The following ZNF280B variants were observed in gnomAD, a reference collection of about 807,000 sequenced individuals.
ZNF280B encodes suppressor of hairy wing homolog 2.
ZNF280B carries 16 observed loss-of-function variants against 38.0 expected under a neutral mutation model. The observed-to-expected ratio is 0.42, with a 90% confidence interval of 0.28 to 0.64. The LOEUF is 0.64. Ranked by LOEUF, ZNF280B falls within the 30% of genes least tolerant of loss-of-function variation. The pLI, the probability that ZNF280B is intolerant of heterozygous loss-of-function variation, is 0.21. For synonymous variants in ZNF280B, 253 were observed against 230.6 expected (o/e 1.10, Z -0.88); for missense variants, 581 against 639.6 (o/e 0.91, Z 0.99).
intron 2 of ZNF280B, among the ~76,000 whole-genome samples, chr22:22,496,104 CCTT>C (rs1246854560): frequency 4.5e-5 from 6 of 134,014 alleles, no homozygotes; most frequent in Admixed American, 7.4e-5. Flanking sequence ...CTGCGCCTGG[CCTT>C]TTTTTTTTTT....
intron 2 of ZNF280B, among the ~76,000 whole-genome samples, chr22:22,504,174 CTG>C (rs2061884853): frequency 6.6e-6 from 1 of 151,934 alleles, no homozygotes; most frequent in Non-Finnish European, 1.5e-5. Flanking sequence ...TGGCTCACGC[CTG>C]TAATCCCAGC....
At chr22:22,495,417 C>CA (rs1043751683) in intron 2 of ZNF280B, among the ~76,000 whole-genome samples, 37 of 151,838 alleles carry the variant, frequency 2.4e-4, no homozygotes, top group Admixed American at 2.0e-4. Flanking sequence ...CAAACTATTT[C>CA]AACAGAAGGA....
At position 22,488,885 on chromosome 22, in the gene ZNF280B, AT is replaced by A; in HGVS notation, c.513del (p.Ser172GlnfsTer9). 1 of 1,613,716 alleles carries A rather than the reference AT, an allele frequency of 6.2e-7. No homozygotes were observed. The highest frequency in any genetic ancestry group is 8.5e-7 in the Non-Finnish European group (1 of 1,179,972). On this transcript the variant is annotated frameshift_variant, in exon 4 of 4. Coordinates refer to ENST00000626650, the MANE Select transcript of ZNF280B (RefSeq NM_080764.4). LOFTEE classifies it high-confidence loss of function. ...ACTTCGAAAGTGGAAAGTTGCTTTG[AT>A]ACACGAGGACTTTCATTTATACCTC... ...SVGGINESPR[V>X]SKQLSTFEVN...
Position 22,494,063 on chromosome 22 carries a change from C to G in ZNF280B, c.-69G>C, listed in dbSNP as rs746010244. On this transcript the variant is annotated splice_region_variant and 5_prime_UTR_variant, in exon 3 of 4. Coordinates refer to ENST00000626650, the MANE Select transcript of ZNF280B (RefSeq NM_080764.4). ...CCTTATAAGAGGAGATATCACAGAC[C>G]TTGCTTCCTCTTTCTGTCATGTGAG... The G allele has an allele frequency of 2.0e-5, 3 of 151,920 alleles. No individual in the cohort carries two copies. The highest frequency in any genetic ancestry group is 4.4e-5 in the Non-Finnish European group (3 of 68,038). 9.4% of individuals were successfully genotyped at this position (151,920 alleles called of 1,614,324 possible).
chr22:22,492,764 T>C (rs2061620799), intron 3 of ZNF280B, among the ~76,000 whole-genome samples: 1 of 151,194 alleles, frequency 6.6e-6, no homozygotes, highest in African/African-American at 2.4e-5. Context: ...TAGACACCTG[T>C]AATCCCAGCT....
Position 22,488,837 on chromosome 22 carries a change from C to T in ZNF280B, c.562G>A (p.Ala188Thr), listed in dbSNP as rs757698038. Reference protein sequence around the residue: ...FEVNSINPKRAKLRDGIIEGN... With the variant: ...FEVNSINPKRTKLRDGIIEGN... ...TCTATAATTCCATCCCTGAGTTTAGCCCTTTTGGGATTTATGCTGTTTACT... is the reference window on the plus strand; with the variant it reads ...TCTATAATTCCATCCCTGAGTTTAGTCCTTTTGGGATTTATGCTGTTTACT... Residue 188 changes from alanine to threonine, a missense_variant, in exon 4 of 4, where the codon GCT becomes ACT. Physicochemically the swap from Ala to Thr is moderately conservative, Grantham distance 58. Coordinates refer to ENST00000626650, the MANE Select transcript of ZNF280B (RefSeq NM_080764.4). The T allele has an allele frequency of 3.8e-5, 62 of 1,613,614 alleles. No individual in the cohort carries two copies. The highest frequency in any genetic ancestry group is 2.9e-5 in the Non-Finnish European group (34 of 1,179,960).
intron 1 of ZNF280B, among the ~76,000 whole-genome samples, chr22:22,508,318 C>G (rs533037672): frequency 6.6e-6 from 1 of 151,870 alleles, no homozygotes; most frequent in Non-Finnish European, 1.5e-5. Flanking sequence ...CCAAAAGAGA[C>G]CCCGCGGGGG....
rs779590949 is a variant in ZNF280B, at chr22:22,488,647, G to A, written c.752C>T (p.Thr251Ile). 7 of 1,613,798 alleles carry A rather than the reference G, an allele frequency of 4.3e-6. No individual in the cohort carries two copies. In the Admixed American group the frequency reaches 6.7e-5, roughly 15 times the overall value. ...CAATTCATTTGCCCTATCAAGATTT[G>A]TATTTATAGGCTTGAAATGGATATT... ...KDNIHFKPIN[T>I]NLDRANELAK... Residue 251 changes from threonine (T) to isoleucine (I), a missense_variant, in exon 4 of 4, where the codon ACA (threonine) becomes ATA (isoleucine). Transcript: ENST00000626650.
intron 2 of ZNF280B, among the ~76,000 whole-genome samples, chr22:22,496,018 C>G (rs2061686460): frequency 6.6e-6 from 1 of 150,802 alleles, no homozygotes; most frequent in Non-Finnish European, 1.5e-5. Context: ...GTTGGCCAGG[C>G]TGGTCTCGAA....
chr22:22,494,641 GGCTTCAATTCCAAAGAAA>G (rs2061659263), intron 2 of ZNF280B, among the ~76,000 whole-genome samples: 1 of 151,882 alleles, frequency 6.6e-6, no homozygotes, highest in Admixed American at 6.6e-5. Context: ...CCAATAGGAG[GGCTTCAATTCCAAAGAAA>G]GCTGAGAGAT....
At chr22:22,495,900 G>A (rs2061683582) in intron 2 of ZNF280B, among the ~76,000 whole-genome samples, 1 of 151,436 alleles carries the variant, frequency 6.6e-6, no homozygotes, top group African/African-American at 2.4e-5. Flanking sequence ...CTGCCTCCCA[G>A]GTTCAATTGA....
At chr22:22,503,174 T>C (rs1273158958) in intron 2 of ZNF280B, among the ~76,000 whole-genome samples, 2 of 151,950 alleles carry the variant, frequency 1.3e-5, no homozygotes, top group Non-Finnish European at 2.9e-5. Flanking sequence ...GAGAATAAAT[T>C]TTTGTTGTTT....
intron 2 of ZNF280B, among the ~76,000 whole-genome samples, chr22:22,507,380 T>A (rs966987600): frequency 1.3e-5 from 2 of 151,950 alleles, no homozygotes; most frequent in Non-Finnish European, 1.5e-5. Context: ...CTCACTGAGC[T>A]GTAATCACAA....
At chr22:22,502,641 A>G (rs964606258) in intron 2 of ZNF280B, among the ~76,000 whole-genome samples, 1 of 152,020 alleles carries the variant, frequency 6.6e-6, no homozygotes, top group Non-Finnish European at 1.5e-5. Context: ...GTACCTTGAA[A>G]ATACACTAAG....
At chr22:22,501,973 G>A (rs560328622) in intron 2 of ZNF280B, among the ~76,000 whole-genome samples, 53 of 151,606 alleles carry the variant, frequency 3.5e-4, no homozygotes, top group Non-Finnish European at 6.5e-4. Flanking sequence ...TGGGCATCAT[G>A]GCACACGCCT....
Position 22,488,247 on chromosome 22 carries a change from T to G in ZNF280B, c.1152A>C (p.Thr384=). The G allele has an allele frequency of 6.2e-7, 1 of 1,613,906 alleles. No homozygotes were observed. Among genetic ancestry groups the G allele is most frequent in the Non-Finnish European group, 8.5e-7 (1 of 1,179,976 alleles). ...TCATGTGTTGTAAGAGGACCTGATCTGTTTCAAATGACAATTCACAGATTT... is the reference window on the plus strand; with the variant it reads ...TCATGTGTTGTAAGAGGACCTGATCGGTTTCAAATGACAATTCACAGATTT... ...VCKICELSFE[T]DQVLLQHMKD... is the part of the protein sequence containing the mutation. The change falls in exon 4 of 4, where the codon ACA becomes ACC. Residue 384 remains threonine, a synonymous_variant. Transcript: ENST00000626650.
chr22:22,495,430 TAACA>T (rs760148617), intron 2 of ZNF280B, among the ~76,000 whole-genome samples: 1 of 151,868 alleles, frequency 6.6e-6, no homozygotes, highest in Non-Finnish European at 1.5e-5. Context: ...CAGAAGGAAC[TAACA>T]AACAGTCCAG....
rs1477709728 is a variant in ZNF280B at position 22,484,514 on chromosome 22, A to C, written c.*3253T>G. The C allele has an allele frequency of 2.6e-5, 4 of 152,438 alleles. No individual in the cohort carries two copies. Among genetic ancestry groups the C allele is most frequent in the African/African-American group, 9.7e-5 (4 of 41,396 alleles). The allele number at this position is 152,438 out of a possible 1,614,324, so 9.4% of individuals were successfully genotyped here. Reference sequence around the variant, plus strand: ...ATAATAAATTTCACCTGAAAGAACAAGCGAGCAAAATAGACAAGGAAATTC... The same window carrying C: ...ATAATAAATTTCACCTGAAAGAACACGCGAGCAAAATAGACAAGGAAATTC... On this transcript the variant is annotated 3_prime_UTR_variant, in exon 4 of 4. Coordinates refer to ENST00000626650, the MANE Select transcript of ZNF280B (RefSeq NM_080764.4).
intron 2 of ZNF280B, among the ~76,000 whole-genome samples, chr22:22,501,019 C>CAA (rs56907724): frequency 3.5e-3 from 208 of 59,928 alleles, no homozygotes; most frequent in Non-Finnish European, 5.2e-3. Context: ...GACTCCGTCT[C>CAA]AAAAAAAAAA....
Sources: gnomAD v4.1 joint callset for allele counts (sites outside exome capture counted in the v4.1 genomes callset) on GRCh38, gnomAD v4.1.1 for gene constraint, MANE v1.5 for transcripts, NCBI Gene and HGNC (gene_info 2026-07-23, HGNC 2026-07-21) for gene names.